The following ITPRID1 variants were observed in gnomAD, a reference collection of about 807,000 sequenced individuals.
ITPRID1 encodes the protein ITPR interacting domain containing 1.
Under a neutral mutation model 95.4 loss-of-function variants are expected in ITPRID1, and 96 were observed. The observed-to-expected ratio is 1.01, with a 90% CI of 0.85 to 1.19. The LOEUF (loss-of-function observed/expected upper bound fraction) is 1.19, where lower values mean the gene tolerates loss of function less well. ITPRID1 is among the 50% of genes most tolerant of loss of function. The probability of loss-of-function intolerance (pLI) is 0.00; values close to 1 mark genes in which losing one functional copy is unlikely to be tolerated. For missense variants in ITPRID1, 1,339 were observed against 1,252.9 expected (o/e 1.07, Z -1.04); for synonymous variants, 510 against 453.6 (o/e 1.12, Z -1.58).
intron 1 of ITPRID1, among the ~76,000 whole-genome samples, chr7:31,533,185 T>C (rs1362913526): frequency 6.6e-6 from 1 of 152,190 alleles, no homozygotes; most frequent in Non-Finnish European, 1.5e-5. Context: ...ATTTCTTCAA[T>C]GCATATGAAG....
intron 1 of ITPRID1, among the ~76,000 whole-genome samples, chr7:31,543,464 T>C (rs1319164874): frequency 6.6e-6 from 1 of 151,860 alleles, no homozygotes; most frequent in East Asian, 1.9e-4. Flanking sequence ...GTGTTCTGGA[T>C]TTTTACCATT....
chr7:31,561,543 T>G (rs1161913109), intron 5 of ITPRID1, among the ~76,000 whole-genome samples: 1 of 152,208 alleles, frequency 6.6e-6, no homozygotes, highest in Non-Finnish European at 1.5e-5. Flanking sequence ...CTTCTTTCTA[T>G]ATGAATTTCA....
chr7:31,643,856 G>C lies in ITPRID1; in HGVS notation c.2486G>C (p.Cys829Ser). ...RQSPGPEPSV[C>S]RHCLCSLTGH... Reference sequence around the variant, plus strand: ...AGCCCTGGCCCTGAACCCTCAGTCTGTAGGCACTGCCTGTGTTCACTAACT... The same window carrying C: ...AGCCCTGGCCCTGAACCCTCAGTCTCTAGGCACTGCCTGTGTTCACTAACT... Residue 829 changes from cysteine to serine, a missense_variant, in exon 12 of 15, where the codon TGT (cysteine) becomes TCT (serine). Cys to Ser is a moderately radical substitution (Grantham distance 112). Transcript: ENST00000615280. 6.2e-7 allele frequency: 1 copy of C among 1,613,906 alleles called. No homozygotes were observed. Among genetic ancestry groups the C allele is most frequent in the Non-Finnish European group, 8.5e-7 (1 of 1,179,904 alleles).
chr7:31,521,819 G>T (rs1056155612), intron 1 of ITPRID1, among the ~76,000 whole-genome samples: 10 of 150,992 alleles, frequency 6.6e-5, no homozygotes, highest in African/African-American at 2.4e-4. Context: ...AAACTTGCCG[G>T]CTCAAGTGAT....
At position 31,652,694 on chromosome 7, in the gene ITPRID1, G is replaced by T. The variant is rs371944763; in HGVS notation, c.3000G>T (p.Gln1000His). Residue 1000 changes from glutamine to histidine, a missense_variant, in exon 15 of 15, where the codon CAG becomes CAT. Transcript: ENST00000615280. ...AGGCTCCCTGTTCAGGTGGGACCCA[G>T]TTGGCTGCCTTCACTCCACCCACCT... is the stretch of plus-strand genomic sequence containing the variant. Reference protein sequence around the residue: ...GQEAPCSGGTQLAAFTPPTLE... With the variant: ...GQEAPCSGGTHLAAFTPPTLE... The T allele has an allele frequency of 1.9e-6, 3 of 1,613,820 alleles. No homozygotes were observed. Among genetic ancestry groups the T allele is most frequent in the Non-Finnish European group, 2.5e-6 (3 of 1,179,904 alleles).
chr7:31,525,334 G>T (rs560328421), intron 1 of ITPRID1, among the ~76,000 whole-genome samples: 2 of 152,186 alleles, frequency 1.3e-5, no homozygotes, highest in South Asian at 4.1e-4. Flanking sequence ...TTGATGTTTG[G>T]GTTAAAAAAT....
intron 10 of ITPRID1, among the ~76,000 whole-genome samples, chr7:31,587,085 G>T (rs1049956831): frequency 2.0e-5 from 3 of 152,196 alleles, no homozygotes; most frequent in Non-Finnish European, 4.4e-5. Flanking sequence ...GCACAAGACA[G>T]GGATGCCCTC....
intron 1 of ITPRID1, among the ~76,000 whole-genome samples, chr7:31,523,216 A>G (rs1280945710): frequency 6.6e-6 from 1 of 152,252 alleles, no homozygotes; most frequent in Non-Finnish European, 1.5e-5. Flanking sequence ...AATCGCAGAC[A>G]AAAGCATTCT....
intron 12 of ITPRID1, among the ~76,000 whole-genome samples, chr7:31,646,440 G>C (rs1472253289): frequency 6.6e-6 from 1 of 152,142 alleles, no homozygotes; most frequent in East Asian, 1.9e-4. Flanking sequence ...AAGGTAGGCT[G>C]GAAAGAGTAA....
At chr7:31,570,817 G>A (rs1784959876) in intron 6 of ITPRID1, among the ~76,000 whole-genome samples, 1 of 152,056 alleles carries the variant, frequency 6.6e-6, no homozygotes, top group Admixed American at 6.6e-5. Flanking sequence ...AAAATAAGGT[G>A]TGGCCCTCAA....
intron 10 of ITPRID1, among the ~76,000 whole-genome samples, chr7:31,630,186 T>C: frequency 7.4e-6 from 1 of 135,632 alleles, no homozygotes; most frequent in East Asian, 2.1e-4. Context: ...GTATTTGTTA[T>C]ATGAGTTCTA....
intron 10 of ITPRID1, among the ~76,000 whole-genome samples, chr7:31,599,690 C>CTCTCTCTCTCTCTT (rs1180791810): frequency 1.1e-4 from 12 of 106,712 alleles, no homozygotes; most frequent in East Asian, 9.4e-4. Context: ...CTCTCTCTCT[C>CTCTCTCTCTCTCTT]TCTTTCTTTC....
At chr7:31,640,885 A>G (rs1789957849) in intron 10 of ITPRID1, among the ~76,000 whole-genome samples, 1 of 152,192 alleles carries the variant, frequency 6.6e-6, no homozygotes, top group African/African-American at 2.4e-5. Context: ...CTATTTTAAA[A>G]TGTATGCCCT....
chr7:31,624,631 T>C (rs1276762183), intron 10 of ITPRID1, among the ~76,000 whole-genome samples: 2 of 149,178 alleles, frequency 1.3e-5, no homozygotes, highest in African/African-American at 4.9e-5. Flanking sequence ...TCAAGATGGA[T>C]TAAAGACTTA....
intron 10 of ITPRID1, among the ~76,000 whole-genome samples, chr7:31,633,331 A>G (rs1789187921): frequency 1.3e-5 from 2 of 152,176 alleles, no homozygotes; most frequent in Admixed American, 1.3e-4. Context: ...GGTGGCCAAT[A>G]CAAAGACGAA....
At chr7:31,616,941 A>C (rs1787300825) in intron 10 of ITPRID1, among the ~76,000 whole-genome samples, 1 of 152,148 alleles carries the variant, frequency 6.6e-6, no homozygotes, top group Admixed American at 6.5e-5. Context: ...TGTCCTGGTC[A>C]TATTCCAATC....
intron 4 of ITPRID1, 93 bp downstream of exon 4, chr7:31,554,616 A>G: frequency 6.8e-7 from 1 of 1,467,610 alleles, no homozygotes; most frequent in Non-Finnish European, 9.3e-7. Flanking sequence ...AGGTCGGGGA[A>G]GTGTAGGGAT....
intron 1 of ITPRID1, among the ~76,000 whole-genome samples, chr7:31,533,128 T>A (rs769676512): frequency 1.4e-4 from 21 of 152,194 alleles, no homozygotes; most frequent in Non-Finnish European, 2.8e-4. Flanking sequence ...AGTAAAGACA[T>A]CTGTACCCAG....
At chr7:31,595,345 TACACAC>T (rs58632355) in intron 10 of ITPRID1, among the ~76,000 whole-genome samples, 5 of 147,032 alleles carry the variant, frequency 3.4e-5, no homozygotes, top group South Asian at 2.2e-4. Context: ...ATGCCCGGCC[TACACAC>T]ACACACACAC....
Sources: allele counts gnomAD v4.1 joint callset (sites outside exome capture counted in the v4.1 genomes callset), GRCh38; gene constraint gnomAD v4.1.1; transcripts MANE v1.5; gene names NCBI Gene and HGNC (gene_info 2026-07-23, HGNC 2026-07-21).